Variants in FOLH1 observed in about 807,000 individuals in gnomAD.
FOLH1 encodes the protein folate hydrolase 1, also known as glutamate carboxypeptidase 2.
A neutral mutation model predicts 93.9 loss-of-function variants in FOLH1; 54 were observed. The observed-to-expected ratio is 0.57, with a 90% CI of 0.46 to 0.72. The LOEUF is 0.72. FOLH1 is among the 30% of genes least tolerant of loss of function. FOLH1 has a pLI of 0.00. For missense variants in FOLH1, 571 were observed against 892.5 expected, an observed-to-expected ratio of 0.64 and a Z score of 4.59; for synonymous variants, 249 against 303.6, an observed-to-expected ratio of 0.82 and a Z score of 1.87.
intron 13 of FOLH1, among the ~76,000 whole-genome samples, chr11:49,160,889 T>C (rs1405526885): frequency 6.6e-6 from 1 of 152,250 alleles, no homozygotes; most frequent in African/African-American, 2.4e-5. Context: ...TATCTCATTA[T>C]ATACCCACAA....
intron 7 of FOLH1, among the ~76,000 whole-genome samples, chr11:49,182,889 T>C (rs1368724607): frequency 6.6e-6 from 1 of 152,098 alleles, no homozygotes; most frequent in Non-Finnish European, 1.5e-5. Flanking sequence ...CAAAGCACAA[T>C]GTCTGGAGCA....
At chr11:49,152,009 C>T (rs760526974) in intron 17 of FOLH1, among the ~76,000 whole-genome samples, 5 of 151,960 alleles carry the variant, frequency 3.3e-5, no homozygotes, top group African/African-American at 4.8e-5. Context: ...AAAGTTTTTC[C>T]TGTATTTGTT....
chr11:49,167,284 C>T (rs1026697394), intron 12 of FOLH1, among the ~76,000 whole-genome samples: 5 of 152,090 alleles, frequency 3.3e-5, no homozygotes, highest in Admixed American at 1.3e-4. Context: ...TTTGCCCTTA[C>T]AGGAGCCTTT....
chr11:49,185,973 AT>A, intron 5 of FOLH1, 118 bp from the exon 6 acceptor site: 1 of 1,273,598 alleles, frequency 7.9e-7, no homozygotes, highest in Non-Finnish European at 1.0e-6. Context: ...ACCTTTTCTC[AT>A]TAGGCCTACA....
chr11:49,145,631 C>A lies in FOLH1; in HGVS notation c.*1125G>T, dbSNP rs577620892. The stretch of plus-strand genomic sequence containing the variant: ...ACTACAGCGACTTCTTAACTTTGAG[C>A]GAGGCCACAATGTGAGGGGACTCTT... On this transcript the variant is annotated 3_prime_UTR_variant, in exon 19 of 19. Transcript: ENST00000256999. Among the ~76,000 whole-genome samples the A allele has an allele frequency of 1.1e-4, 17 of 152,234 alleles. No individual in the cohort carries two copies. The highest frequency in any genetic ancestry group is 1.9e-4 in the Non-Finnish European group (13 of 68,014).
intron 17 of FOLH1, among the ~76,000 whole-genome samples, chr11:49,152,816 T>C (rs1856629768): frequency 6.6e-6 from 1 of 152,152 alleles, no homozygotes; most frequent in South Asian, 2.1e-4. Context: ...CTTCTAAACT[T>C]GGCATCTTTC....
chr11:49,201,562 A>G (rs1863259039), intron 2 of FOLH1, among the ~76,000 whole-genome samples: 1 of 152,000 alleles, frequency 6.6e-6, no homozygotes, highest in Non-Finnish European at 1.5e-5. Context: ...AAATAGTATT[A>G]AAATCCTCGT....
At chr11:49,208,182 C>G (rs1864186270) in intron 1 of FOLH1, 110 bp downstream of exon 1, 1 of 801,720 alleles carries the variant, frequency 1.2e-6, no homozygotes, top group African/African-American at 1.7e-5. Flanking sequence ...TAATCGCCGC[C>G]CCTGGGGAAG....
chr11:49,148,474 A>T (rs1856032171), intron 18 of FOLH1, among the ~76,000 whole-genome samples, 165 bp downstream of exon 18: 1 of 151,792 alleles, frequency 6.6e-6, no homozygotes, highest in Non-Finnish European at 1.5e-5. Flanking sequence ...AAATCATATT[A>T]CATTATATGA....
rs1855806453 is a variant in FOLH1, at chr11:49,146,730, C to T, written c.*26G>A. On this transcript the variant is annotated 3_prime_UTR_variant, in exon 19 of 19. Coordinates refer to ENST00000256999, the MANE Select transcript of FOLH1 (RefSeq NM_004476.3). The stretch of plus-strand genomic sequence containing the variant: ...TTCTGAGTGACATACCACACAAATT[C>T]AATACGGATTCTCTAAAGAATCCTC... The T allele has an allele frequency of 2.5e-6, 4 of 1,578,446 alleles. No homozygotes were observed. The East Asian group carries it at 9.0e-5, about 36-fold the overall frequency.
intron 7 of FOLH1, among the ~76,000 whole-genome samples, chr11:49,177,073 G>C (rs544490028): frequency 6.6e-6 from 1 of 152,134 alleles, no homozygotes; most frequent in African/African-American, 2.4e-5. Flanking sequence ...ACCTGTTTGA[G>C]GAAATATGAA....
chr11:49,174,629 C>T (rs141844538), intron 9 of FOLH1, among the ~76,000 whole-genome samples: 24 of 152,262 alleles, frequency 1.6e-4, no homozygotes, highest in African/African-American at 5.3e-4. Flanking sequence ...TCCCTTGATC[C>T]TTTAATTGAG....
At chr11:49,153,296 T>A (rs1856665964) in intron 17 of FOLH1, among the ~76,000 whole-genome samples, 1 of 151,594 alleles carries the variant, frequency 6.6e-6, no homozygotes, top group Admixed American at 6.6e-5. Context: ...ATATTTGCTA[T>A]TCTGGATAAA....
At chr11:49,194,070 T>TG (rs1862357684) in intron 3 of FOLH1, among the ~76,000 whole-genome samples, 1 of 143,672 alleles carries the variant, frequency 7.0e-6, no homozygotes, top group Non-Finnish European at 1.5e-5. Context: ...GAGAATCACT[T>TG]GAACCCAGCA....
chr11:49,208,204 G>T (rs1348454286), intron 1 of FOLH1, 88 bp downstream of exon 1: 4 of 967,890 alleles, frequency 4.1e-6, no homozygotes, highest in Non-Finnish European at 6.1e-6. Flanking sequence ...CCAGCAACAG[G>T]ATCCCACTCG....
chr11:49,172,688 C>G (rs1013823540), intron 10 of FOLH1, among the ~76,000 whole-genome samples: 10 of 152,106 alleles, frequency 6.6e-5, no homozygotes, highest in Non-Finnish European at 1.3e-4. Context: ...GCCCCAGACA[C>G]CTTGTTTGCA....
intron 3 of FOLH1, among the ~76,000 whole-genome samples, chr11:49,194,850 TCAA>T (rs1333193471): frequency 6.6e-6 from 1 of 151,986 alleles, no homozygotes; most frequent in Non-Finnish European, 1.5e-5. Context: ...TGTCATTTCA[TCAA>T]CAATTCTGTT....
intron 3 of FOLH1, among the ~76,000 whole-genome samples, chr11:49,197,020 C>T (rs988172934): frequency 6.6e-6 from 1 of 152,086 alleles, no homozygotes; most frequent in Admixed American, 6.6e-5. Flanking sequence ...AAATCAACTA[C>T]GACTTGCCAC....
chr11:49,178,842 T>C (rs530084009), intron 7 of FOLH1, among the ~76,000 whole-genome samples: 1 of 152,218 alleles, frequency 6.6e-6, no homozygotes, highest in Non-Finnish European at 1.5e-5. Flanking sequence ...TATAATTCTG[T>C]ATCTTGTAGC....
Sources: gnomAD v4.1 joint callset for allele counts (sites outside exome capture counted in the v4.1 genomes callset) on GRCh38, gnomAD v4.1.1 for gene constraint, MANE v1.5 for transcripts, NCBI Gene and HGNC (gene_info 2026-07-23, HGNC 2026-07-21) for gene names.